The following C8orf58 variants were observed in gnomAD, a reference collection of about 807,000 sequenced individuals.
C8orf58 encodes chromosome 8 open reading frame 58, also known as uncharacterized protein C8orf58.
Under a neutral mutation model 36.8 loss-of-function variants are expected in C8orf58, and 31 were observed. The observed-to-expected ratio is 0.84, with a 90% confidence interval of 0.63 to 1.14. C8orf58 has a LOEUF of 1.14. Ranked by LOEUF, C8orf58 falls within the 50% of genes most tolerant of loss-of-function variation. C8orf58 has a pLI of 0.00. For synonymous variants in C8orf58, 230 were observed against 200.2 expected, an observed-to-expected ratio of 1.15 and a Z score of -1.26; for missense variants, 538 against 480.8, an observed-to-expected ratio of 1.12 and a Z score of -1.11.
At position 22,603,431 on chromosome 8, in the gene C8orf58, T is replaced by C. The variant is rs762901241; in HGVS notation, c.*125T>C. On this transcript the variant is annotated 3_prime_UTR_variant, in exon 7 of 7. Coordinates refer to ENST00000289989, the MANE Select transcript of C8orf58 (RefSeq NM_001013842.3). ...GCTGCTGACGCCTGCCCTCCTCTCT[T>C]GAGTCGAGGGCTGAATCTTTCTCCT... The C allele has an allele frequency of 6.8e-6, 5 of 740,124 alleles. No individual in the cohort carries two copies. Among genetic ancestry groups the C allele is most frequent in the South Asian group, 5.9e-5 (4 of 68,174 alleles). 45.8% of individuals were successfully genotyped at this position (740,124 alleles called of 1,614,324 possible).
Position 22,600,887 on chromosome 8 carries a change from G to A in C8orf58, c.46G>A (p.Ala16Thr). The A allele has an allele frequency of 3.1e-6, 5 of 1,600,012 alleles. No homozygotes were observed. Among genetic ancestry groups the A allele is most frequent in the Non-Finnish European group, 4.3e-6 (5 of 1,174,454 alleles). ...RAFAVDGRDG[A>T]GEGLARGCIV... is the part of the protein sequence containing the mutation. ...GACGCTGACTCTCCATGCAGATGGG[G>A]CTGGCGAGGGCCTGGCACGGGGCTG... is the stretch of plus-strand genomic sequence containing the variant. Residue 16 changes from alanine to threonine, a missense_variant, in exon 2 of 7, where the codon GCT (alanine) becomes ACT (threonine). Coordinates refer to ENST00000289989, the MANE Select transcript of C8orf58 (RefSeq NM_001013842.3).
chr8:22,600,756 G>A, intron 1 of C8orf58, 126 bp from the exon 2 acceptor site: 1 of 758,712 alleles, frequency 1.3e-6, no homozygotes, highest in East Asian at 2.7e-5. Flanking sequence ...GCTGCCCGTG[G>A]CTGTCCAGTG....
In C8orf58 at chr8:22,601,833, G is replaced by A. The variant is rs771550158; in HGVS notation, c.638G>A (p.Arg213Gln). The A allele has an allele frequency of 1.5e-5, 24 of 1,609,928 alleles. No individual in the cohort carries two copies. The highest frequency in any genetic ancestry group is 8.4e-5 in the Admixed American group (5 of 59,494). ...CTCCAGCAGCTCTACCTGCAGCTGC[G>A]GATCCAGAGGCCCCCAGGGGTGAGT... ...ARLQQLYLQL[R>Q]IQRPPGDPGE... Residue 213 changes from arginine to glutamine, a missense_variant, in exon 3 of 7, where the codon CGG becomes CAG. Physicochemically the swap from Arg to Gln is conservative, Grantham distance 43. Transcript: ENST00000289989.
rs1800835078 is a variant in C8orf58, at chr8:22,601,061, G to A, written c.220G>A (p.Ala74Thr). 1 of 1,612,824 alleles carries A rather than the reference G, an allele frequency of 6.2e-7. No individual in the cohort carries two copies. The highest frequency in any genetic ancestry group is 8.5e-7 in the Non-Finnish European group (1 of 1,180,018). ...LASRDSGVEMAVGDSPLAALP... is the reference protein window; with the variant it reads ...LASRDSGVEMTVGDSPLAALP... ...CTCCCGGGACTCAGGAGTGGAGATG[G>A]CAGTTGGGGACAGCCCCCTGGCCGC... is the stretch of plus-strand genomic sequence containing the variant. Residue 74 changes from alanine to threonine, a missense_variant, in exon 2 of 7, where the codon GCA becomes ACA. Physicochemically the swap from Ala to Thr is moderately conservative, Grantham distance 58. Transcript: ENST00000289989.
rs1279553416 is a variant in C8orf58, at chr8:22,599,599, G to T, written c.-122G>T. 1.7e-5 allele frequency: 6 copies of T among 355,982 alleles called. No individual in the cohort carries two copies. The highest frequency in any genetic ancestry group is 2.8e-5 in the African/African-American group (1 of 35,522). The allele number at this position is 355,982 out of a possible 1,614,324, so 22.1% of individuals were successfully genotyped here. Reference sequence around the variant, plus strand: ...CCCCGCCCCCCCAGCCCCGCTGGGAGTGTCTGGGGGCCGCGCCCAGCTGGG... The same window carrying T: ...CCCCGCCCCCCCAGCCCCGCTGGGATTGTCTGGGGGCCGCGCCCAGCTGGG... On this transcript the variant is annotated 5_prime_UTR_variant, in exon 1 of 7. Transcript: ENST00000289989.
At position 22,599,694 on chromosome 8, in the gene C8orf58, G is replaced by GCA; in HGVS notation, c.-27_-26insCA. 1 of 1,197,220 alleles carries GCA rather than the reference G, an allele frequency of 8.4e-7. No homozygotes were observed. The highest frequency in any genetic ancestry group is 1.0e-6 in the Non-Finnish European group (1 of 963,026). 74.2% of individuals were successfully genotyped at this position (1,197,220 alleles called of 1,614,324 possible). On this transcript the variant is annotated 5_prime_UTR_variant, in exon 1 of 7. Coordinates refer to ENST00000289989, the MANE Select transcript of C8orf58 (RefSeq NM_001013842.3). ...GCCGGGATCCTCGGGCGGCTGCATT[G>GCA]GCCGGGGCCGGGGCCGGGAGCGGGC...
rs368897134 is a variant in C8orf58 at position 22,601,040 on chromosome 8, C to T, written c.199C>T (p.Arg67Trp). The T allele has an allele frequency of 3.3e-5, 53 of 1,612,696 alleles. No individual in the cohort carries two copies. The highest frequency in any genetic ancestry group is 5.0e-5 in the Admixed American group (3 of 60,002). The part of the protein sequence containing the change: ...REALFLKLAS[R>W]DSGVEMAVGD... Reference sequence around the variant, plus strand: ...GGCACTCTTTCTCAAACTGGCCTCCCGGGACTCAGGAGTGGAGATGGCAGT... The same window carrying T: ...GGCACTCTTTCTCAAACTGGCCTCCTGGGACTCAGGAGTGGAGATGGCAGT... The change falls in exon 2 of 7, where the codon CGG becomes TGG. Residue 67 changes from arginine to tryptophan, a missense_variant. By Grantham distance (101) the Arg-to-Trp change is moderately radical. Transcript: ENST00000289989.
rs201285147 is a variant in C8orf58 at position 22,602,580 on chromosome 8, G to A, written c.923G>A (p.Arg308Gln). 1.6e-5 allele frequency: 26 copies of A among 1,582,186 alleles called. No homozygotes were observed. Among genetic ancestry groups the A allele is most frequent in the Non-Finnish European group, 2.0e-5 (23 of 1,160,978 alleles). Reference protein sequence around the residue: ...HWDKVKVLLNRICRRSHHHPE... With the variant: ...HWDKVKVLLNQICRRSHHHPE... ...GACAAGGTCAAGGTCCTGCTCAACC[G>A]GATCTGCCGGAGAAGCCACCACCAC... Residue 308 changes from arginine to glutamine, a missense_variant, in exon 6 of 7, where the codon CGG becomes CAG. Coordinates refer to ENST00000289989, the MANE Select transcript of C8orf58 (RefSeq NM_001013842.3).
chr8:22,600,484 T>G (rs1800815083), intron 1 of C8orf58: 1 of 213,366 alleles, frequency 4.7e-6, no homozygotes, highest in East Asian at 1.2e-4. Context: ...CTGTACCCTC[T>G]CCCCTCTCCC....
Position 22,601,147 on chromosome 8 carries a change from C to A in C8orf58, c.306C>A (p.Pro102=). ...AATCCTCAGGGAGTTCTGAGCCCCC[C>A]GCCCAGGTAGGCCGACTCCTGGCCA... ...DFESSGSSEP[P]AQVGRLLASQ... The change falls in exon 2 of 7, where the codon CCC becomes CCA. Residue 102 remains proline, a synonymous_variant. Transcript: ENST00000289989. The A allele has an allele frequency of 1.9e-6, 3 of 1,610,984 alleles. No individual in the cohort carries two copies. The highest frequency in any genetic ancestry group is 1.3e-5 in the African/African-American group (1 of 75,012).
chr8:22,601,357 G>T lies in C8orf58; in HGVS notation c.516G>T (p.Ala172=). 2 of 1,563,814 alleles carry T rather than the reference G, an allele frequency of 1.3e-6. No homozygotes were observed. The highest frequency in any genetic ancestry group is 2.3e-5 in the South Asian group (2 of 85,932). The change falls in exon 2 of 7, where the codon GCG becomes GCT. Residue 172 remains alanine, a splice_region_variant and synonymous_variant. Coordinates refer to ENST00000289989, the MANE Select transcript of C8orf58 (RefSeq NM_001013842.3). ...TDLEAGLEEE[A]VGGLGPGAWA... ...TAGAGGCAGGCCTGGAAGAAGAGGC[G>T]GTGAGTGCTCACTCTCAGGCTGGGT... is the stretch of plus-strand genomic sequence containing the variant.
rs759245401 is a variant in C8orf58 at position 22,602,077 on chromosome 8, A to G, written c.763A>G (p.Thr255Ala). Residue 255 changes from threonine (T) to alanine (A), a missense_variant, in exon 4 of 7, where the codon ACA becomes GCA. Thr to Ala is a moderately conservative substitution (Grantham distance 58). Transcript: ENST00000289989. ...PWELLSQTEH[T>A]GAKAASPPKV... Reference sequence around the variant, plus strand: ...GGAGCTGCTAAGCCAGACAGAGCACACAGGTGAGGGGCCATCGTGTCTCCC... The same window carrying G: ...GGAGCTGCTAAGCCAGACAGAGCACGCAGGTGAGGGGCCATCGTGTCTCCC... 2.1e-5 allele frequency: 33 copies of G among 1,569,052 alleles called. No individual in the cohort carries two copies. The highest frequency in any genetic ancestry group is 2.6e-5 in the Non-Finnish European group (30 of 1,155,640).
chr8:22,600,397 C>T (rs1216683447), intron 1 of C8orf58: 2 of 163,130 alleles, frequency 1.2e-5, no homozygotes, highest in Admixed American at 1.2e-4. Context: ...TCCCGGTGAG[C>T]TGCAGGAGAG....
At chr8:22,601,461 T>G (rs1313567903) in intron 2 of C8orf58, 104 bp downstream of exon 2, 1 of 1,014,094 alleles carries the variant, frequency 9.9e-7, no homozygotes, top group Non-Finnish European at 1.4e-6. Flanking sequence ...TGCCCCTAAT[T>G]GATGGGTTGT....
At chr8:22,601,607 G>T in intron 2 of C8orf58, 105 bp from the exon 3 acceptor site, 1 of 1,357,146 alleles carries the variant, frequency 7.4e-7, no homozygotes, top group South Asian at 1.4e-5. Flanking sequence ...GTTCCTCCTC[G>T]GGGCCCACTC....
chr8:22,600,855 C>G lies in C8orf58; in HGVS notation c.41-27C>G, dbSNP rs376856636. Reference sequence around the variant, plus strand: ...GCTGGGGGTGTTGGGGGTGGCCTGCCCAGCCTGACGCTGACTCTCCATGCA... The same window carrying G: ...GCTGGGGGTGTTGGGGGTGGCCTGCGCAGCCTGACGCTGACTCTCCATGCA... On this transcript the variant is annotated intron_variant, in intron 1 of 6. Transcript: ENST00000289989. The G allele has an allele frequency of 2.4e-5, 37 of 1,558,564 alleles. No individual in the cohort carries two copies. The African/African-American group carries it at 4.7e-4, about 20-fold the overall frequency.
rs201757790 is a variant in C8orf58 at position 22,602,578 on chromosome 8, C to T, written c.921C>T (p.Asn307=). 2.5e-6 allele frequency: 4 copies of T among 1,582,000 alleles called. No homozygotes were observed. The African/African-American group carries it at 4.0e-5, about 16-fold the overall frequency. ...SHWDKVKVLL[N]RICRRSHHHP... Reference sequence around the variant, plus strand: ...GGGACAAGGTCAAGGTCCTGCTCAACCGGATCTGCCGGAGAAGCCACCACC... The same window carrying T: ...GGGACAAGGTCAAGGTCCTGCTCAATCGGATCTGCCGGAGAAGCCACCACC... The change falls in exon 6 of 7, where the codon AAC becomes AAT. Residue 307 remains asparagine (N), a synonymous_variant. Transcript: ENST00000289989.
At position 22,601,995 on chromosome 8, in the gene C8orf58, C is replaced by T. The variant is rs145113524; in HGVS notation, c.681C>T (p.Thr227=). 1.4e-5 allele frequency: 22 copies of T among 1,561,938 alleles called. No individual in the cohort carries two copies. Among genetic ancestry groups the T allele is most frequent in the Non-Finnish European group, 1.7e-5 (20 of 1,150,304 alleles). ...PPGDPGEEES[T]RAPLPSPLHT... ...AGGATCCCGGCGAGGAGGAGTCGAC[C>T]CGAGCCCCTTTACCGTCCCCGTTAC... The change falls in exon 4 of 7, where the codon ACC becomes ACT. Residue 227 remains threonine, a synonymous_variant. Transcript: ENST00000289989.
At chr8:22,600,049 C>A (rs1003509479) in intron 1 of C8orf58, 2 of 291,942 alleles carry the variant, frequency 6.9e-6, no homozygotes, top group East Asian at 1.1e-4. Context: ...TGTGGGAATC[C>A]GCCCGCGCCC....
Sources: allele counts gnomAD v4.1 joint callset, GRCh38; gene constraint gnomAD v4.1.1; transcripts MANE v1.5; gene names NCBI Gene and HGNC (gene_info 2026-07-23, HGNC 2026-07-21).